Variants in MAMDC2 observed in about 807,000 individuals in gnomAD.
MAMDC2 encodes the protein MAM domain containing 2.
Under a neutral mutation model 89.8 loss-of-function variants are expected in MAMDC2, and 57 were observed. That is an observed-to-expected ratio of 0.63 (90% CI 0.51 to 0.79). The LOEUF (loss-of-function observed/expected upper bound fraction) is 0.79. MAMDC2 is among the 30% of genes least tolerant of loss of function. MAMDC2 has a pLI of 0.00. For missense variants in MAMDC2, 800 were observed against 820.6 expected (o/e 0.97, Z 0.31); for synonymous variants, 313 against 293.4 (o/e 1.07, Z -0.68).
chr9:70,169,019 A>T (rs1047674540), intron 10 of MAMDC2, among the ~76,000 whole-genome samples: 2 of 152,196 alleles, frequency 1.3e-5, no homozygotes, highest in Admixed American at 6.5e-5. Context: ...CTCATTTGGA[A>T]GGCAACTAGT....
rs1348356125 is a variant in MAMDC2 at position 70,210,267 on chromosome 9, T to C, written c.1652-8070T>C. On this transcript the variant is annotated intron_variant, in intron 11 of 13. Coordinates refer to ENST00000377182, the MANE Select transcript of MAMDC2 (RefSeq NM_153267.5). Reference sequence around the variant, plus strand: ...GTCTCCCATCATTATTGTATGTGAGTCTAAGTCTCTTTGTAGGTCTCTAAG... The same window carrying C: ...GTCTCCCATCATTATTGTATGTGAGCCTAAGTCTCTTTGTAGGTCTCTAAG... Among the ~76,000 whole-genome samples the C allele has an allele frequency of 2.9e-4, 35 of 122,732 alleles. No individual in the cohort carries two copies. In the Admixed American group the frequency reaches 3.1e-3, roughly 11 times the overall value. 80.5% of individuals were successfully genotyped at this position (122,732 alleles called of 152,430 possible). A position where few individuals can be genotyped will look rare whatever the true frequency, so the allele number is the denominator to read the frequency against.
chr9:70,135,120 A>T (rs963685732), intron 7 of MAMDC2, among the ~76,000 whole-genome samples: 2 of 152,222 alleles, frequency 1.3e-5, no homozygotes, highest in African/African-American at 2.4e-5. Context: ...TTAAAAGTTC[A>T]AATGTCAGAA....
At chr9:70,052,428 T>C (rs1447563114) in intron 2 of MAMDC2, among the ~76,000 whole-genome samples, 1 of 152,248 alleles carries the variant, frequency 6.6e-6, no homozygotes, top group Non-Finnish European at 1.5e-5. Context: ...TGCTTTTCTA[T>C]TCTCCTGTCC....
Position 70,210,519 on chromosome 9 carries a change from A to G in MAMDC2, c.1652-7818A>G, listed in dbSNP as rs372877019. 5.9e-5 allele frequency among the ~76,000 whole-genome samples: 9 copies of G among 152,172 alleles called. No individual in the cohort carries two copies. In the South Asian group the frequency reaches 8.3e-4, roughly 14 times the overall value. On this transcript the variant is annotated intron_variant, in intron 11 of 13. Coordinates refer to ENST00000377182, the MANE Select transcript of MAMDC2 (RefSeq NM_153267.5). ...TCCTCCATCCCTTTATTTTGAGCCT[A>G]TGTGTGTCTTTGCATGTGAGATGGG...
chr9:70,212,575 C>G (rs2033377338), intron 11 of MAMDC2, among the ~76,000 whole-genome samples: 1 of 152,226 alleles, frequency 6.6e-6, no homozygotes, highest in South Asian at 2.1e-4. Flanking sequence ...CTTGCGCTTT[C>G]CGGGTGAGGT....
chr9:70,224,000 T>A (rs1262961380), intron 12 of MAMDC2, among the ~76,000 whole-genome samples: 1 of 152,174 alleles, frequency 6.6e-6, no homozygotes, highest in Non-Finnish European at 1.5e-5. Context: ...ATTCAGAATA[T>A]AATTCCTTCA....
In MAMDC2 at chr9:70,212,450, G is replaced by C. The variant is rs1378753070; in HGVS notation, c.1652-5887G>C. Among the ~76,000 whole-genome samples the C allele has an allele frequency of 2.0e-5, 3 of 152,222 alleles. No individual in the cohort carries two copies. The East Asian group carries it at 5.8e-4, about 29-fold the overall frequency. On this transcript the variant is annotated intron_variant, in intron 11 of 13. Transcript: ENST00000377182. ...GCCAGGCACGGGATATAATCTCCTG[G>C]TGTGCCATTTGCTAAGACTGTTGGA... is the stretch of plus-strand genomic sequence containing the variant.
intron 11 of MAMDC2, chr9:70,188,713 T>G (rs2118595904): frequency 6.7e-6 from 1 of 149,804 alleles, no homozygotes; most frequent in Non-Finnish European, 1.5e-5. Flanking sequence ...TAAGAACAGA[T>G]ACTACACTTG....
At chr9:70,143,228 C>T (rs1381629267) in intron 8 of MAMDC2, among the ~76,000 whole-genome samples, 3 of 152,178 alleles carry the variant, frequency 2.0e-5, no homozygotes, top group Admixed American at 6.5e-5. Context: ...AGATGGTTGA[C>T]CCAGGCAGCT....
At position 70,188,240 on chromosome 9, in the gene MAMDC2, G is replaced by A. The variant is rs73448667; in HGVS notation, c.1651+17609G>A. ...TGTCTCTTGGAGACAACATATAGTTGGATCATTTTTTCAATTCATTCTACC... is the reference window on the plus strand; with the variant it reads ...TGTCTCTTGGAGACAACATATAGTTAGATCATTTTTTCAATTCATTCTACC... On this transcript the variant is annotated intron_variant, in intron 11 of 13. Coordinates refer to ENST00000377182, the MANE Select transcript of MAMDC2 (RefSeq NM_153267.5). 3.7e-3 allele frequency among the ~76,000 whole-genome samples: 560 copies of A among 152,094 alleles called. 3 individuals carry two copies. Among genetic ancestry groups the A allele is most frequent in the African/African-American group, 0.012 (478 of 41,480 alleles).
chr9:70,111,018 A>G (rs1409449214), intron 4 of MAMDC2, among the ~76,000 whole-genome samples: 1 of 152,230 alleles, frequency 6.6e-6, no homozygotes, highest in East Asian at 1.9e-4. Context: ...TTTGACCTCA[A>G]TGATATCTCT....
At chr9:70,225,700 C>A in intron 12 of MAMDC2, 50 bp from the exon 13 acceptor site, 1 of 1,213,218 alleles carries the variant, frequency 8.2e-7, no homozygotes, top group Non-Finnish European at 1.2e-6. Context: ...CTGACCAGCA[C>A]TGTAATCAGG....
At chr9:70,043,803 C>T, upstream of MAMDC2, 1 of 236,094 alleles carries the variant, frequency 4.2e-6, no homozygotes, top group Non-Finnish European at 8.3e-6. Flanking sequence ...TCTGCAAGGG[C>T]TCTGGTCCCA....
At chr9:70,123,422 C>T (rs756142329) in intron 5 of MAMDC2, among the ~76,000 whole-genome samples, 24 of 152,090 alleles carry the variant, frequency 1.6e-4, no homozygotes, top group South Asian at 4.2e-4. Flanking sequence ...TGATTCTATC[C>T]AGTCTGTCAT....
chr9:70,164,393 T>C (rs1230646772), intron 9 of MAMDC2, among the ~76,000 whole-genome samples: 1 of 152,198 alleles, frequency 6.6e-6, no homozygotes, highest in Non-Finnish European at 1.5e-5. Context: ...TGCAAATATG[T>C]TTTTACAGCT....
chr9:70,208,530 T>G lies in MAMDC2; in HGVS notation c.1652-9807T>G, dbSNP rs2033279262. 2.6e-5 allele frequency among the ~76,000 whole-genome samples: 4 copies of G among 152,210 alleles called. No homozygotes were observed. The South Asian group carries it at 8.3e-4, about 32-fold the overall frequency. On this transcript the variant is annotated intron_variant, in intron 11 of 13. Transcript: ENST00000377182. The stretch of plus-strand genomic sequence containing the variant: ...GTTGCTTATCAGCTTAAGGATATTT[T>G]GGGCTGAGATGATGGGGTTTTCTAA...
Position 70,217,182 on chromosome 9 carries a change from T to C in MAMDC2, c.1652-1155T>C. ...CTCTTCGCCATCTTTTCTCTTCCCG[T>C]GGAGCCGTCGCCACGAAGGTCGAGC... is the stretch of plus-strand genomic sequence containing the variant. On this transcript the variant is annotated intron_variant, in intron 11 of 13. Transcript: ENST00000377182. The C allele has an allele frequency of 5.7e-6, 4 of 706,632 alleles. No homozygotes were observed. The South Asian group carries it at 6.3e-5, about 11-fold the overall frequency. 43.8% of individuals were successfully genotyped at this position (706,632 alleles called of 1,614,324 possible). A position where few individuals can be genotyped will look rare whatever the true frequency, so the allele number is the denominator to read the frequency against.
chr9:70,186,655 TA>T (rs1469455705), intron 11 of MAMDC2, among the ~76,000 whole-genome samples: 2 of 152,252 alleles, frequency 1.3e-5, no homozygotes, highest in African/African-American at 4.8e-5. Flanking sequence ...TGCATTGTTA[TA>T]AAGGAATATC....
chr9:70,178,717 AC>A (rs2032567221), intron 11 of MAMDC2, among the ~76,000 whole-genome samples: 1 of 152,198 alleles, frequency 6.6e-6, no homozygotes, highest in Non-Finnish European at 1.5e-5. Context: ...CTGAATACCC[AC>A]TATGCATTAT....
Sources: gnomAD v4.1 joint callset for allele counts (sites outside exome capture counted in the v4.1 genomes callset) on GRCh38, gnomAD v4.1.1 for gene constraint, MANE v1.5 for transcripts, NCBI Gene and HGNC (gene_info 2026-07-23, HGNC 2026-07-21) for gene names.